The following IFT25 variants were observed in gnomAD, a reference collection of about 807,000 sequenced individuals.
The protein encoded by IFT25 is intraflagellar transport 25.
the IFT25 span, among the ~76,000 whole-genome samples, chr1:53,933,930 G>A: frequency 3.3e-5 from 5 of 151,860 alleles, no homozygotes; most frequent in African/African-American, 1.2e-4. Flanking sequence ...AAAACCTCAT[G>A]ATAGTCAATT....
At chr1:53,931,558 G>A in the IFT25 span, among the ~76,000 whole-genome samples, 1 of 152,140 alleles carries the variant, frequency 6.6e-6, no homozygotes, top group Non-Finnish European at 1.5e-5. Context: ...ATAGATATGA[G>A]GCTGTCCAGA....
At chr1:53,936,459 A>T in the IFT25 span, among the ~76,000 whole-genome samples, 4 of 152,312 alleles carry the variant, frequency 2.6e-5, no homozygotes, top group African/African-American at 9.6e-5. Flanking sequence ...CAAAAAAAAT[A>T]AAAAAGACAT....
At chr1:53,933,281 T>G in the IFT25 span, among the ~76,000 whole-genome samples, 2 of 152,124 alleles carry the variant, frequency 1.3e-5, no homozygotes, top group South Asian at 4.2e-4. Flanking sequence ...ACTACAGGCA[T>G]GCGCCACCAC....
At chr1:53,932,788 A>G in the IFT25 span, among the ~76,000 whole-genome samples, 3 of 151,882 alleles carry the variant, frequency 2.0e-5, no homozygotes, top group Non-Finnish European at 4.4e-5. Flanking sequence ...CTGGTCTCAC[A>G]CTCCTGAGCT....
At chr1:53,922,217 A>G in the IFT25 span, among the ~76,000 whole-genome samples, 1 of 152,190 alleles carries the variant, frequency 6.6e-6, no homozygotes, top group Admixed American at 6.5e-5. Context: ...CAACATGGAG[A>G]AACCCTGTCT....
the IFT25 span, among the ~76,000 whole-genome samples, chr1:53,918,876 T>C: frequency 6.6e-6 from 1 of 152,324 alleles, no homozygotes; most frequent in South Asian, 2.1e-4. Context: ...TTCACTCTTG[T>C]TGTCCAGGCT....
chr1:53,943,719 G>A, the IFT25 span, among the ~76,000 whole-genome samples: 19 of 152,156 alleles, frequency 1.2e-4, no homozygotes, highest in East Asian at 3.3e-3. Flanking sequence ...TGCCTCCCGG[G>A]CTCAAGCGAT....
At chr1:53,937,786 A>G in the IFT25 span, among the ~76,000 whole-genome samples, 1 of 152,218 alleles carries the variant, frequency 6.6e-6, no homozygotes, top group Non-Finnish European at 1.5e-5. Flanking sequence ...TATTTCTGGC[A>G]AACAACTTAA....
the IFT25 span, chr1:53,940,004 G>T: frequency 1.3e-6 from 2 of 1,599,292 alleles, no homozygotes; most frequent in Middle Eastern, 1.7e-4. Context: ...ATATTTTCAG[G>T]TGGGTGTTTT....
the IFT25 span, among the ~76,000 whole-genome samples, chr1:53,934,983 A>G: frequency 6.6e-6 from 1 of 152,226 alleles, no homozygotes; most frequent in Non-Finnish European, 1.5e-5. Context: ...TGGATGACAG[A>G]GCAAGACTCT....
chr1:53,931,372 G>A, the IFT25 span, among the ~76,000 whole-genome samples: 1 of 152,186 alleles, frequency 6.6e-6, no homozygotes, highest in Non-Finnish European at 1.5e-5. Flanking sequence ...TTTCCAAAGT[G>A]GTTGTACTAT....
At chr1:53,939,074 C>CA in the IFT25 span, among the ~76,000 whole-genome samples, 3,042 of 22,362 alleles carry the variant, frequency 0.14, 599 homozygotes, top group African/African-American at 0.29. Context: ...AACTCCGTCT[C>CA]AAAAAAAAAA....
the IFT25 span, among the ~76,000 whole-genome samples, chr1:53,935,661 G>GCT: frequency 6.7e-6 from 1 of 149,560 alleles, no homozygotes; most frequent in African/African-American, 2.5e-5. Context: ...ACAGGGTCTT[G>GCT]CTCTCTCACT....
the IFT25 span, among the ~76,000 whole-genome samples, chr1:53,939,067 T>A: frequency 1.5e-5 from 1 of 68,878 alleles, no homozygotes. Context: ...AGAGCGAAAC[T>A]CCGTCTCAAA....
the IFT25 span, among the ~76,000 whole-genome samples, chr1:53,934,335 ATTG>A: frequency 6.6e-6 from 1 of 152,156 alleles, no homozygotes; most frequent in Non-Finnish European, 1.5e-5. Flanking sequence ...ATATTGCTCC[ATTG>A]TTGTCTGGCT....
chr1:53,935,669 A>T, the IFT25 span, among the ~76,000 whole-genome samples: 66 of 150,206 alleles, frequency 4.4e-4, no homozygotes, highest in Non-Finnish European at 7.7e-4. Flanking sequence ...TTGCTCTCTC[A>T]CTCAGGCTGG....
At chr1:53,918,241 A>G in the IFT25 span, among the ~76,000 whole-genome samples, 32,374 of 152,206 alleles carry the variant, frequency 0.21, 5,067 homozygotes, top group African/African-American at 0.45. Context: ...CAAATACTTT[A>G]AAGTATATCA....
the IFT25 span, among the ~76,000 whole-genome samples, chr1:53,926,142 C>T: frequency 3.3e-5 from 5 of 151,082 alleles, no homozygotes; most frequent in South Asian, 1.1e-3. Flanking sequence ...CATTTCATCT[C>T]TAAATACTTT....
At chr1:53,935,716 T>C in the IFT25 span, among the ~76,000 whole-genome samples, 9 of 151,958 alleles carry the variant, frequency 5.9e-5, no homozygotes, top group African/African-American at 2.2e-4. Flanking sequence ...CAAGTGATCC[T>C]CCTGCCTTGG....
Sources: gnomAD v4.1 joint callset for allele counts (sites outside exome capture counted in the v4.1 genomes callset) on GRCh38, gnomAD v4.1.1 for gene constraint, MANE v1.5 for transcripts, NCBI Gene and HGNC (gene_info 2026-07-23, HGNC 2026-07-21) for gene names.